The following MAP2K5 variants were observed in gnomAD, a reference collection of about 807,000 sequenced individuals.
MAP2K5 encodes dual specificity mitogen-activated protein kinase kinase 5.
A neutral mutation model predicts 83.1 loss-of-function variants in MAP2K5; 49 were observed. That is an observed-to-expected ratio of 0.59 (90% CI 0.47 to 0.75). The LOEUF (loss-of-function observed/expected upper bound fraction) is 0.75, where lower values mean the gene tolerates loss of function less well. Ranked by LOEUF, MAP2K5 falls within the 30% of genes least tolerant of loss-of-function variation. MAP2K5 has a pLI of 0.00. For missense variants in MAP2K5, 457 were observed against 557.5 expected (o/e 0.82, Z 1.82); for synonymous variants, 202 against 191.8 (o/e 1.05, Z -0.44).
chr15:67,567,677 T>A (rs940965740), intron 3 of MAP2K5, among the ~76,000 whole-genome samples: 5 of 152,106 alleles, frequency 3.3e-5, no homozygotes, highest in South Asian at 2.1e-4. Flanking sequence ...AGTATTTTTT[T>A]AATTAGAATT....
At chr15:67,643,181 T>C (rs1318348302) in intron 9 of MAP2K5, among the ~76,000 whole-genome samples, 3 of 152,180 alleles carry the variant, frequency 2.0e-5, no homozygotes, top group Non-Finnish European at 4.4e-5. Flanking sequence ...TAATAATAAC[T>C]TCATTCCTTT....
At chr15:67,635,171 T>A (rs1405462141) in intron 9 of MAP2K5, among the ~76,000 whole-genome samples, 1 of 146,302 alleles carries the variant, frequency 6.8e-6, no homozygotes, top group Non-Finnish European at 1.5e-5. Flanking sequence ...GTCACTACTT[T>A]TGCTTTAGAT....
rs1376690789 is a variant in MAP2K5, at chr15:67,559,048, G to A, written c.185-4235G>A. On this transcript the variant is annotated intron_variant, in intron 2 of 21. Coordinates refer to ENST00000178640, the MANE Select transcript of MAP2K5 (RefSeq NM_145160.3). The surrounding 1 kb of genome is among the most constrained non-coding windows in gnomAD (Gnocchi z 4.7). ...GTGGCCATGGAAAGTACGGCCTCTGGTCCTGCCCACGTCATTAACTCCGTG... is the reference window on the plus strand; with the variant it reads ...GTGGCCATGGAAAGTACGGCCTCTGATCCTGCCCACGTCATTAACTCCGTG... Among the ~76,000 whole-genome samples, 1 of 152,184 alleles carries A rather than the reference G, an allele frequency of 6.6e-6. No homozygotes were observed. Among genetic ancestry groups the A allele is most frequent in the African/African-American group, 2.4e-5 (1 of 41,440 alleles).
At chr15:67,623,577 G>A (rs2086236271) in intron 8 of MAP2K5, among the ~76,000 whole-genome samples, 1 of 145,772 alleles carries the variant, frequency 6.9e-6, no homozygotes, top group Non-Finnish European at 1.5e-5. Context: ...CACTCAGCCA[G>A]TTTGAAAACT....
At chr15:67,727,261 T>A (rs2089118525) in intron 16 of MAP2K5, among the ~76,000 whole-genome samples, 1 of 152,172 alleles carries the variant, frequency 6.6e-6, no homozygotes, top group Non-Finnish European at 1.5e-5. Context: ...TCATTTTGTT[T>A]TTACAGGTGA....
intron 3 of MAP2K5, among the ~76,000 whole-genome samples, chr15:67,567,355 G>GTTTT (rs1270904901): frequency 1.0e-4 from 14 of 135,046 alleles, no homozygotes; most frequent in East Asian, 2.1e-4. Context: ...CCTCCATAAA[G>GTTTT]TTTTTTTTTT....
intron 21 of MAP2K5, among the ~76,000 whole-genome samples, chr15:67,798,998 A>G (rs2090654953): frequency 6.6e-6 from 1 of 152,134 alleles, no homozygotes; most frequent in South Asian, 2.1e-4. Flanking sequence ...GTGAAACCCC[A>G]TCTCTACTAA....
chr15:67,628,784 T>C (rs934839486), intron 8 of MAP2K5: 39 of 754,070 alleles, frequency 5.2e-5, no homozygotes, highest in Middle Eastern at 7.3e-4. Flanking sequence ...TGGTGGTGGT[T>C]GTGGAGGTGT....
chr15:67,657,526 AG>A (rs1648283383), intron 11 of MAP2K5, among the ~76,000 whole-genome samples: 1 of 152,080 alleles, frequency 6.6e-6, no homozygotes, highest in Non-Finnish European at 1.5e-5. Flanking sequence ...TTGGTAAATA[AG>A]GGTGGTTCAG....
rs539066891 is a variant in MAP2K5 at position 67,587,333 on chromosome 15, G to A, written c.431+420G>A. On this transcript the variant is annotated intron_variant, in intron 6 of 21. Coordinates refer to ENST00000178640, the MANE Select transcript of MAP2K5 (RefSeq NM_145160.3). The surrounding 1 kb of genome is among the most constrained non-coding windows in gnomAD (Gnocchi z 4.8). ...GACAGGACTTATCATGCGGGGCCTC[G>A]TAGGCCCTGTAATGTTTGAATTTTC... 2.0e-5 allele frequency among the ~76,000 whole-genome samples: 3 copies of A among 152,232 alleles called. No homozygotes were observed. Among genetic ancestry groups the A allele is most frequent in the South Asian group, 4.1e-4 (2 of 4,828 alleles).
At chr15:67,616,366 C>A (rs987062266) in intron 8 of MAP2K5, among the ~76,000 whole-genome samples, 1 of 152,118 alleles carries the variant, frequency 6.6e-6, no homozygotes, top group East Asian at 1.9e-4. Context: ...TTAAGAATTG[C>A]GTTTTAGACA....
At chr15:67,629,567 T>C (rs1260454233) in intron 8 of MAP2K5, among the ~76,000 whole-genome samples, 2 of 152,156 alleles carry the variant, frequency 1.3e-5, no homozygotes, top group Non-Finnish European at 2.9e-5. Context: ...TTGGTTTTAT[T>C]TTTGTTTTAA....
At chr15:67,663,638 C>T (rs374236488) in intron 12 of MAP2K5, among the ~76,000 whole-genome samples, 122 of 151,954 alleles carry the variant, frequency 8.0e-4, no homozygotes, top group African/African-American at 2.7e-3. Context: ...TTTGGGAGGC[C>T]GAGGCAGGAG....
intron 17 of MAP2K5, among the ~76,000 whole-genome samples, chr15:67,745,788 A>G (rs2089593246): frequency 6.6e-6 from 1 of 152,250 alleles, no homozygotes; most frequent in Non-Finnish European, 1.5e-5. Flanking sequence ...AATTACAATG[A>G]TGTTGCATCA....
rs770345070 is a variant in MAP2K5, at chr15:67,806,910, C to G, written c.*160C>G. ...TCAGCAGGTGGCCTTGCCTGGGGAG[C>G]CCCATGTGTGGCCCACCCCACCAGG... is the stretch of plus-strand genomic sequence containing the variant. On this transcript the variant is annotated 3_prime_UTR_variant, in exon 22 of 22. Coordinates refer to ENST00000178640, the MANE Select transcript of MAP2K5 (RefSeq NM_145160.3). 1.3e-6 allele frequency: 2 copies of G among 1,591,206 alleles called. No homozygotes were observed. The highest frequency in any genetic ancestry group is 4.5e-5 in the East Asian group (2 of 44,636).
rs1198179231 is a variant in MAP2K5 at position 67,757,006 on chromosome 15, G to A, written c.1134+8405G>A. The stretch of plus-strand genomic sequence containing the variant: ...TGTGAATAATGCTGCAGTGAACATG[G>A]CAGTGCAGATATCTCTTCAGGATAG... On this transcript the variant is annotated intron_variant, in intron 19 of 21. Transcript: ENST00000178640. This position sits in a 1 kb window ranked among gnomAD's most constrained non-coding sequence, Gnocchi z 4.9. Among the ~76,000 whole-genome samples the A allele has an allele frequency of 1.3e-5, 2 of 151,994 alleles. No individual in the cohort carries two copies. Among genetic ancestry groups the A allele is most frequent in the Admixed American group, 1.3e-4 (2 of 15,258 alleles).
At position 67,748,405 on chromosome 15, in the gene MAP2K5, A is replaced by AT. The variant is rs1160029574; in HGVS notation, c.1101+150dup. The AT allele has an allele frequency of 2.5e-5, 21 of 825,346 alleles. No individual in the cohort carries two copies. The highest frequency in any genetic ancestry group is 4.1e-5 in the Non-Finnish European group (21 of 508,026). 51.1% of individuals were successfully genotyped at this position (825,346 alleles called of 1,614,324 possible). ...AACTGCCTGTATTAGATTAGGTACC[A>AT]TTAGAAATAATAGAACCTCCTGAGC... On this transcript the variant is annotated intron_variant, in intron 18 of 21. Coordinates refer to ENST00000178640, the MANE Select transcript of MAP2K5 (RefSeq NM_145160.3). This position sits in a 1 kb window ranked among gnomAD's most constrained non-coding sequence, Gnocchi z 4.0.
At chr15:67,580,631 A>G in intron 3 of MAP2K5, 123 bp from the exon 4 acceptor site, 1 of 676,792 alleles carries the variant, frequency 1.5e-6, no homozygotes, top group Non-Finnish European at 2.7e-6. Context: ...GGGGAAAAGT[A>G]TTCTCAAGGC....
chr15:67,549,273 T>G, intron 1 of MAP2K5: 1 of 1,355,854 alleles, frequency 7.4e-7, no homozygotes, highest in East Asian at 2.5e-5. Context: ...TTTTCAACTT[T>G]ATAGATTTAT....
Sources: gnomAD v4.1 joint callset for allele counts (sites outside exome capture counted in the v4.1 genomes callset) on GRCh38, gnomAD v4.1.1 for gene constraint, Gnocchi (gnomAD v3.1) non-coding constraint, MANE v1.5 for transcripts, NCBI Gene and HGNC (gene_info 2026-07-23, HGNC 2026-07-21) for gene names.